Variants in ERBB2 observed in about 807,000 individuals in gnomAD.
ERBB2 encodes the protein receptor tyrosine-protein kinase erbB-2.
In ERBB2, 61 loss-of-function variants were observed where a neutral mutation model predicts 149.0. The observed-to-expected ratio is 0.41, with a 90% confidence interval of 0.33 to 0.51. ERBB2 has a LOEUF of 0.51. Ranked by LOEUF, ERBB2 falls within the 20% of genes least tolerant of loss-of-function variation. The probability of loss-of-function intolerance (pLI) is 0.25; values close to 1 mark genes in which losing one functional copy is unlikely to be tolerated. For missense variants in ERBB2, 1,205 were observed against 1,655.1 expected (o/e 0.73, Z 4.72); for synonymous variants, 633 against 678.8 (o/e 0.93, Z 1.05).
intron 1 of ERBB2, among the ~76,000 whole-genome samples, chr17:39,701,699 A>C (rs922839848): frequency 4.6e-5 from 7 of 152,166 alleles, no homozygotes; most frequent in African/African-American, 1.7e-4. Context: ...GCCAAACAGC[A>C]GTCTCTCTGC....
intron 2 of ERBB2, among the ~76,000 whole-genome samples, chr17:39,689,922 A>G (rs1246508809): frequency 6.6e-6 from 1 of 151,846 alleles, no homozygotes; most frequent in East Asian, 1.9e-4. Context: ...AAAAAAGAAA[A>G]AGAAAATTCC....
At chr17:39,720,928 A>G (rs1461559603) in intron 16 of ERBB2, among the ~76,000 whole-genome samples, 4 of 151,986 alleles carry the variant, frequency 2.6e-5, no homozygotes, top group Non-Finnish European at 4.4e-5. Context: ...GATTACAGAC[A>G]TGAGCCACCG....
At chr17:39,696,107 C>T (rs2057857718), upstream of ERBB2, among the ~76,000 whole-genome samples, 1 of 152,156 alleles carries the variant, frequency 6.6e-6, no homozygotes, top group Non-Finnish European at 1.5e-5. Context: ...CTTTCCTGGG[C>T]TCTCCTGCCA....
upstream of ERBB2, among the ~76,000 whole-genome samples, chr17:39,698,314 C>T (rs2145242835): frequency 6.6e-6 from 1 of 150,528 alleles, no homozygotes; most frequent in African/African-American, 2.4e-5. Flanking sequence ...GGCTGGAGTG[C>T]AGAGGCGCAA....
At chr17:39,702,715 AACTT>A (rs1376737675) in intron 1 of ERBB2, among the ~76,000 whole-genome samples, 1 of 152,238 alleles carries the variant, frequency 6.6e-6, no homozygotes, top group Non-Finnish European at 1.5e-5. Flanking sequence ...GTCTTGTCTT[AACTT>A]TTAAGAAATG....
chr17:39,713,991 G>A (rs901842727), intron 9 of ERBB2, among the ~76,000 whole-genome samples: 1 of 150,988 alleles, frequency 6.6e-6, no homozygotes, highest in African/African-American at 2.4e-5. Flanking sequence ...CTGGGAGGTG[G>A]AGGTTGCAGT....
upstream of ERBB2, among the ~76,000 whole-genome samples, chr17:39,695,704 TACACAC>T (rs56249643): frequency 0.038 from 3,652 of 96,588 alleles, 70 homozygotes; most frequent in South Asian, 0.048. Context: ...GGTGCATGCA[TACACAC>T]ACACACACAC....
intron 2 of ERBB2, among the ~76,000 whole-genome samples, chr17:39,689,724 G>A (rs1024105444): frequency 4.6e-5 from 7 of 152,006 alleles, no homozygotes; most frequent in African/African-American, 1.7e-4. Flanking sequence ...TGACCAACAT[G>A]GAGAAACCCC....
upstream of ERBB2, among the ~76,000 whole-genome samples, chr17:39,695,704 T>TACACACAC (rs56249643): frequency 0.078 from 7,567 of 96,578 alleles, 757 homozygotes; most frequent in East Asian, 0.098. Flanking sequence ...GGTGCATGCA[T>TACACACAC]ACACACACAC....
intron 7 of ERBB2, among the ~76,000 whole-genome samples, 163 bp from the exon 8 acceptor site, chr17:39,711,765 C>T (rs765367932): frequency 1.5e-4 from 23 of 152,198 alleles, no homozygotes; most frequent in Non-Finnish European, 2.8e-4. Flanking sequence ...GTGCTGATCC[C>T]GTCTGGTTGT....
In ERBB2 at chr17:39,709,361, C is replaced by T. The variant is rs1365628992; in HGVS notation, c.483C>T (p.Leu161=). The change falls in exon 4 of 27, where the codon CTC becomes CTT. Residue 161 remains leucine (L), a synonymous_variant. Coordinates refer to ENST00000269571, the MANE Select transcript of ERBB2 (RefSeq NM_004448.4). ...TCTTGATCCAGCGGAACCCCCAGCT[C>T]TGCTACCAGGACACGATTTTGTGGA... ...GGVLIQRNPQ[L]CYQDTILWKD... 1 of 1,614,134 alleles carries T rather than the reference C, an allele frequency of 6.2e-7. No homozygotes were observed. The highest frequency in any genetic ancestry group is 1.3e-5 in the African/African-American group (1 of 75,024).
chr17:39,716,553 C>A lies in ERBB2; in HGVS notation c.1685C>A (p.Pro562Gln), dbSNP rs201470725. 2 of 1,614,156 alleles carry A rather than the reference C, an allele frequency of 1.2e-6. No individual in the cohort carries two copies. Among genetic ancestry groups the A allele is most frequent in the African/African-American group, 2.7e-5 (2 of 75,046 alleles). The change falls in exon 14 of 27, where the codon CCG (proline) becomes CAG (glutamine). Residue 562 changes from proline to glutamine, a missense_variant. Pro to Gln is a moderately conservative substitution (Grantham distance 76, BLOSUM62 -1). This residue lies in a region of ERBB2 where 569 missense variants were observed against 803.5 expected (regional missense o/e 0.71). Coordinates refer to ENST00000269571, the MANE Select transcript of ERBB2 (RefSeq NM_004448.4). ...REYVNARHCLPCHPECQPQNG... is the reference protein window; with the variant it reads ...REYVNARHCLQCHPECQPQNG... The stretch of plus-strand genomic sequence containing the variant: ...TATGTGAATGCCAGGCACTGTTTGC[C>A]GTGCCACCCTGAGTGTCAGCCCCAG...
At chr17:39,694,921 A>C (rs2057827091), upstream of ERBB2, 1 of 152,372 alleles carries the variant, frequency 6.6e-6, no homozygotes, top group South Asian at 2.1e-4. Context: ...TGAAGGGGTC[A>C]CTGTCCCTAT....
rs1369830553 is a variant in ERBB2, at chr17:39,725,900, C to G, written c.2872+47C>G. Reference sequence around the variant, plus strand: ...GCTGCCTGGAGGAGGGTGGGAGGTCCTGGGTGGAGGAGCCCACAAGGGGCA... The same window carrying G: ...GCTGCCTGGAGGAGGGTGGGAGGTCGTGGGTGGAGGAGCCCACAAGGGGCA... On this transcript the variant is annotated intron_variant, in intron 23 of 26. Transcript: ENST00000269571. The surrounding 1 kb of genome is among the most constrained non-coding windows in gnomAD (Gnocchi z 4.6). The G allele has an allele frequency of 6.2e-7, 1 of 1,605,044 alleles. No individual in the cohort carries two copies. Among genetic ancestry groups the G allele is most frequent in the East Asian group, 2.2e-5 (1 of 44,578 alleles).
At chr17:39,715,991 T>C (rs1230475738) in intron 12 of ERBB2, 52 bp downstream of exon 12, 1 of 1,544,050 alleles carries the variant, frequency 6.5e-7, no homozygotes, top group Non-Finnish European at 8.8e-7. Context: ...CACACAGCAG[T>C]GCCCAGGGGG....
Position 39,725,416 on chromosome 17 carries a change from G to A in ERBB2, c.2725+14G>A, listed in dbSNP as rs1314513237. 1.2e-6 allele frequency: 2 copies of A among 1,610,534 alleles called. No individual in the cohort carries two copies. Among genetic ancestry groups the A allele is most frequent in the Non-Finnish European group, 8.5e-7 (1 of 1,176,900 alleles). ...TGTGGAGTTATGGTGTGTGATGGGG[G>A]GTGTTGGGAGGGGTGGGTGAGGAGC... On this transcript the variant is annotated intron_variant, in intron 22 of 26. Transcript: ENST00000269571. This position sits in a 1 kb window ranked among gnomAD's most constrained non-coding sequence, Gnocchi z 4.6.
At chr17:39,718,211 A>G (rs758136400) in intron 15 of ERBB2, among the ~76,000 whole-genome samples, 3 of 152,242 alleles carry the variant, frequency 2.0e-5, no homozygotes, top group Admixed American at 6.5e-5. Context: ...TCCATGTTCT[A>G]ACATGGTGAT....
chr17:39,694,260 T>TATATATGTGTATATATATATATATACAC (rs2057798032), upstream of ERBB2, among the ~76,000 whole-genome samples: 8 of 23,494 alleles, frequency 3.4e-4, no homozygotes, highest in African/African-American at 8.5e-4. Flanking sequence ...TATATATATA[T>TATATATGTGTATATATATATATATACAC]ATATATATGT....
At chr17:39,697,364 T>G (rs1264544824), upstream of ERBB2, among the ~76,000 whole-genome samples, 2 of 150,472 alleles carry the variant, frequency 1.3e-5, no homozygotes, top group African/African-American at 4.9e-5. Context: ...GTTTTTTTTT[T>G]TTTTTTTTGA....
Sources: gnomAD v4.1 joint callset for allele counts (sites outside exome capture counted in the v4.1 genomes callset) on GRCh38, gnomAD v4.1.1 for gene constraint, gnomAD v4.1.1 regional missense constraint, Gnocchi (gnomAD v3.1) non-coding constraint, MANE v1.5 for transcripts, NCBI Gene and HGNC (gene_info 2026-07-23, HGNC 2026-07-21) for gene names.